The following PCDHGB5 variants were observed in gnomAD, a reference collection of about 807,000 sequenced individuals.
PCDHGB5 encodes the protein protocadherin gamma subfamily B, 5.
In PCDHGB5, 48 loss-of-function variants were observed where a neutral mutation model predicts 62.9. The observed-to-expected ratio is 0.76, with a 90% CI of 0.61 to 0.97. PCDHGB5 has a LOEUF of 0.97. Among genes scored for constraint, PCDHGB5 ranks in the 50% least tolerant of loss-of-function variants. PCDHGB5 has a pLI of 0.00. For synonymous variants in PCDHGB5, 474 were observed against 511.2 expected (o/e 0.93, Z 0.98); for missense variants, 1,118 against 1,198.6 (o/e 0.93, Z 0.99).
intron 1 of PCDHGB5, chr5:141,478,874 A>G: frequency 1.6e-6 from 2 of 1,276,696 alleles, no homozygotes; most frequent in Non-Finnish European, 2.1e-6. Flanking sequence ...ATCAGAGTTT[A>G]GCTTGGTATC....
intron 1 of PCDHGB5, chr5:141,430,740 A>C (rs1485485180): frequency 5.3e-6 from 8 of 1,497,664 alleles, no homozygotes; most frequent in Non-Finnish European, 7.1e-6. Context: ...AATTGAAAAT[A>C]ATTCTGGAGG....
At chr5:141,488,260 G>A (rs1297588710) in intron 1 of PCDHGB5, among the ~76,000 whole-genome samples, 2 of 152,182 alleles carry the variant, frequency 1.3e-5, no homozygotes, top group Non-Finnish European at 1.5e-5. Context: ...AGGTTGGGGC[G>A]GGTTGGTCAT....
chr5:141,427,999 T>A, intron 1 of PCDHGB5: 1 of 1,601,186 alleles, frequency 6.2e-7, no homozygotes, highest in Non-Finnish European at 8.5e-7. Context: ...GGCTCCGCAC[T>A]CTTCGATATA....
rs539905795 is a variant in PCDHGB5, at chr5:141,419,910, C to T, written c.2397+19386C>T. 1.5e-5 allele frequency: 25 copies of T among 1,614,086 alleles called. No individual in the cohort carries two copies. In the South Asian group the frequency reaches 2.4e-4, roughly 16 times the overall value. On this transcript the variant is annotated intron_variant, in intron 1 of 3. Coordinates refer to ENST00000617380, the MANE Select transcript of PCDHGB5 (RefSeq NM_018925.3). ...AGCGACCATCCCACACCCTCTGACT[C>T]CCAGGCTGAGATGCAGTTTTACCTG...
At chr5:141,462,651 CA>C (rs60282352) in intron 1 of PCDHGB5, among the ~76,000 whole-genome samples, 42,411 of 152,004 alleles carry the variant, frequency 0.28, 6,634 homozygotes, top group African/African-American at 0.43. Flanking sequence ...TTTCCATCCT[CA>C]ATTATCTTCA....
chr5:141,443,251 C>T (rs200319609), intron 1 of PCDHGB5, among the ~76,000 whole-genome samples: 7 of 150,782 alleles, frequency 4.6e-5, no homozygotes, highest in East Asian at 3.9e-4. Flanking sequence ...GGCGCCAAGG[C>T]GGGTGGATCA....
rs372627681 is a variant in PCDHGB5 at position 141,398,054 on chromosome 5, A to G, written c.-74A>G. ...GAACTAAAGCCCGTTCGGAGATCCA[A>G]AAATCTACAATACAGAGGTTATTTG... On this transcript the variant is annotated 5_prime_UTR_variant, in exon 1 of 4. Transcript: ENST00000617380. The G allele has an allele frequency of 9.0e-5, 136 of 1,518,912 alleles. No homozygotes were observed. Among genetic ancestry groups the G allele is most frequent in the Non-Finnish European group, 1.0e-4 (116 of 1,133,236 alleles). The allele number at this position is 1,518,912 out of a possible 1,614,324, so 94.1% of individuals were successfully genotyped here.
At chr5:141,403,226 C>A in intron 1 of PCDHGB5, 3 of 1,613,926 alleles carry the variant, frequency 1.9e-6, no homozygotes, top group South Asian at 1.1e-5. Context: ...TAGGATAGAC[C>A]GGGAGGAGCT....
At chr5:141,429,770 A>T (rs2097244120) in intron 1 of PCDHGB5, among the ~76,000 whole-genome samples, 1 of 152,122 alleles carries the variant, frequency 6.6e-6, no homozygotes, top group Admixed American at 6.6e-5. Context: ...CTATATTTTG[A>T]TGGGCTTCCA....
chr5:141,477,438 C>T lies in PCDHGB5; in HGVS notation c.2398-17369C>T, dbSNP rs1386997844. On this transcript the variant is annotated intron_variant, in intron 1 of 3. Transcript: ENST00000617380. This position sits in a 1 kb window ranked among gnomAD's most constrained non-coding sequence, Gnocchi z 4.9. ...GGAACCCCTTCCCTCTCAGCCCTTA[C>T]AATAGTGCGTGTTCAAGTGTCCGAC... 6.2e-7 allele frequency: 1 copy of T among 1,614,174 alleles called. No homozygotes were observed. The highest frequency in any genetic ancestry group is 8.5e-7 in the Non-Finnish European group (1 of 1,180,030).
Position 141,432,098 on chromosome 5 carries a change from G to C in PCDHGB5, c.2397+31574G>C, listed in dbSNP as rs771050429. The C allele has an allele frequency of 1.9e-6, 3 of 1,613,938 alleles. No homozygotes were observed. The highest frequency in any genetic ancestry group is 1.7e-5 in the Admixed American group (1 of 59,992). On this transcript the variant is annotated intron_variant, in intron 1 of 3. Transcript: ENST00000617380. The surrounding 1 kb of genome is among the most constrained non-coding windows in gnomAD (Gnocchi z 6.0). ...CTCGCTGAACGTGGCAGACACCAAC[G>C]ACAACCCGCCGGTCTTCCCTCAGGC...
chr5:141,441,885 CA>C, intron 1 of PCDHGB5: 1 of 345,036 alleles, frequency 2.9e-6, no homozygotes. Context: ...ACCTGGTCAC[CA>C]AGGTGGTGGC....
chr5:141,424,556 G>C (rs2096828013), intron 1 of PCDHGB5: 1 of 152,128 alleles, frequency 6.6e-6, no homozygotes, highest in South Asian at 2.1e-4. Context: ...TTGATTCAGT[G>C]CTTCTCAAAA....
chr5:141,460,833 T>G (rs541553903), intron 1 of PCDHGB5, among the ~76,000 whole-genome samples: 2 of 151,928 alleles, frequency 1.3e-5, no homozygotes, highest in African/African-American at 4.8e-5. Flanking sequence ...ACACTTAAAG[T>G]AATGGCCTCC....
intron 1 of PCDHGB5, chr5:141,408,201 C>A: frequency 6.5e-7 from 1 of 1,549,032 alleles, no homozygotes; most frequent in Non-Finnish European, 8.7e-7. Context: ...CCCGAGCGAA[C>A]GATGGGAGGG....
intron 1 of PCDHGB5, among the ~76,000 whole-genome samples, chr5:141,463,095 G>C (rs1299676667): frequency 6.6e-6 from 1 of 152,098 alleles, no homozygotes; most frequent in African/African-American, 2.4e-5. Context: ...AGCCCTATGT[G>C]ACCATCAAGA....
chr5:141,423,338 T>A, intron 1 of PCDHGB5: 1 of 1,614,150 alleles, frequency 6.2e-7, no homozygotes, highest in Middle Eastern at 1.6e-4. Flanking sequence ...GTCTCCTGCA[T>A]CTTCCTGGTC....
intron 1 of PCDHGB5, among the ~76,000 whole-genome samples, chr5:141,467,047 A>G (rs1271306217): frequency 1.3e-5 from 2 of 149,986 alleles, no homozygotes; most frequent in East Asian, 3.9e-4. Context: ...GTAATGAATC[A>G]ATGTTTTCTT....
rs1221295650 is a variant in PCDHGB5 at position 141,489,576 on chromosome 5, C to A, written c.2398-5231C>A. 3 of 1,613,936 alleles carry A rather than the reference C, an allele frequency of 1.9e-6. No individual in the cohort carries two copies. Among genetic ancestry groups the A allele is most frequent in the Non-Finnish European group, 2.5e-6 (3 of 1,179,984 alleles). ...TGCCAGTGCAGGTGGTGACTGAACA[C>A]CCCCTGGAGCTAATCCGTGTAGAGG... On this transcript the variant is annotated intron_variant, in intron 1 of 3. Transcript: ENST00000617380. This position sits in a 1 kb window ranked among gnomAD's most constrained non-coding sequence, Gnocchi z 4.5.
Sources: gnomAD v4.1 joint callset for allele counts (sites outside exome capture counted in the v4.1 genomes callset) on GRCh38, gnomAD v4.1.1 for gene constraint, Gnocchi (gnomAD v3.1) non-coding constraint, MANE v1.5 for transcripts, NCBI Gene and HGNC (gene_info 2026-07-23, HGNC 2026-07-21) for gene names.